The following RBPMS variants were observed in gnomAD, a reference collection of about 807,000 sequenced individuals.
RBPMS encodes RNA-binding protein with multiple splicing.
In RBPMS, 7 loss-of-function variants were observed where a neutral mutation model predicts 26.8. The ratio of observed to expected loss-of-function variants is 0.26; its 90% CI spans 0.15 to 0.49. The LOEUF is 0.49. Among genes scored for constraint, RBPMS ranks in the 20% least tolerant of loss-of-function variants. The pLI is 0.98. For missense variants in RBPMS, 186 were observed against 250.0 expected (o/e 0.74, Z 1.73); for synonymous variants, 96 against 93.3 (o/e 1.03, Z -0.17).
intron 5 of RBPMS, among the ~76,000 whole-genome samples, chr8:30,531,376 T>C (rs1417128044): frequency 6.6e-6 from 1 of 152,226 alleles, no homozygotes; most frequent in Non-Finnish European, 1.5e-5. Context: ...TGCCCAGATT[T>C]CCTTGATTTT....
chr8:30,390,477 T>C (rs117806436), intron 1 of RBPMS, among the ~76,000 whole-genome samples: 2,029 of 152,310 alleles, frequency 0.013, 24 homozygotes, highest in South Asian at 0.019. Context: ...TACTTGGTAC[T>C]CCACAAAGTC....
At chr8:30,426,205 C>A (rs1348465909) in intron 1 of RBPMS, among the ~76,000 whole-genome samples, 1 of 152,202 alleles carries the variant, frequency 6.6e-6, no homozygotes, top group Non-Finnish European at 1.5e-5. Context: ...AATTGCCCAT[C>A]TGTAAATAAG....
At chr8:30,569,570 T>G (rs1042066878) in intron 8 of RBPMS, among the ~76,000 whole-genome samples, 2 of 152,140 alleles carry the variant, frequency 1.3e-5, no homozygotes, top group African/African-American at 4.8e-5. Context: ...AAGGATGTGT[T>G]AGGGATTTGG....
intron 1 of RBPMS, among the ~76,000 whole-genome samples, chr8:30,463,309 A>ATCC (rs1816146448): frequency 6.6e-6 from 1 of 152,246 alleles, no homozygotes; most frequent in South Asian, 2.1e-4. Flanking sequence ...AGGTGGATCT[A>ATCC]GCTCAGGGTC....
At chr8:30,516,126 T>C (rs1309158253) in intron 5 of RBPMS, among the ~76,000 whole-genome samples, 1 of 152,244 alleles carries the variant, frequency 6.6e-6, no homozygotes. Flanking sequence ...ACGCCTGTAA[T>C]TGCAGCACTT....
At position 30,540,510 on chromosome 8, in the gene RBPMS, A is replaced by G. The variant is rs1405111150; in HGVS notation, c.398-3984A>G. 3.9e-5 allele frequency among the ~76,000 whole-genome samples: 6 copies of G among 152,152 alleles called. No homozygotes were observed. In the East Asian group the frequency reaches 7.7e-4, roughly 20 times the overall value. ...CAGTCAGAGCGCACTGCAACCTCAA[A>G]TAAGTCCTAGGTTCGAGTGAACCTC... On this transcript the variant is annotated intron_variant, in intron 5 of 8. Transcript: ENST00000397323.
chr8:30,556,014 G>T (rs1826872181), intron 6 of RBPMS: 1 of 985,434 alleles, frequency 1.0e-6, no homozygotes, highest in East Asian at 1.1e-4. Flanking sequence ...TGGCCAGGGG[G>T]GCACTGCCCT....
chr8:30,528,150 G>T (rs137988035), intron 5 of RBPMS, among the ~76,000 whole-genome samples: 1,714 of 152,082 alleles, frequency 0.011, 39 homozygotes, highest in African/African-American at 0.038. Context: ...GCTCCAGCCT[G>T]GGCAACAAGA....
chr8:30,520,661 T>A (rs1822933193), intron 5 of RBPMS, among the ~76,000 whole-genome samples: 1 of 152,200 alleles, frequency 6.6e-6, no homozygotes, highest in African/African-American at 2.4e-5. Flanking sequence ...TTTGGCTATT[T>A]ATCTGGTTAA....
intron 1 of RBPMS, among the ~76,000 whole-genome samples, chr8:30,421,488 C>T (rs1182233254): frequency 2.0e-5 from 3 of 152,118 alleles, no homozygotes; most frequent in Admixed American, 2.0e-4. Context: ...ATTAAAAATT[C>T]CTTAAGTACA....
intron 1 of RBPMS, among the ~76,000 whole-genome samples, chr8:30,432,079 T>C (rs1217839047): frequency 6.6e-6 from 1 of 152,058 alleles, no homozygotes; most frequent in Non-Finnish European, 1.5e-5. Context: ...TGAGCCATGA[T>C]CACGCCGCTG....
chr8:30,551,140 C>G (rs565326443), intron 6 of RBPMS, among the ~76,000 whole-genome samples: 2 of 152,204 alleles, frequency 1.3e-5, no homozygotes, highest in South Asian at 4.2e-4. Flanking sequence ...GGCAGATGCT[C>G]TCTCCCTGGT....
chr8:30,479,309 T>TC lies in RBPMS; in HGVS notation c.184-5dup. 8.1e-6 allele frequency: 13 copies of TC among 1,609,788 alleles called. No individual in the cohort carries two copies. Among genetic ancestry groups the TC allele is most frequent in the African/African-American group, 1.3e-5 (1 of 74,780 alleles). On this transcript the variant is annotated splice_polypyrimidine_tract_variant and splice_region_variant and intron_variant, in intron 3 of 8. Transcript: ENST00000397323. ...TTTTCTTCATATTTCTCTTTTTTTT[T>TC]CTCAGCCTGTAGGTTTTGTCAGTTT...
intron 5 of RBPMS, among the ~76,000 whole-genome samples, chr8:30,533,897 G>GCCT (rs1281453256): frequency 6.6e-6 from 1 of 152,108 alleles, no homozygotes; most frequent in Admixed American, 6.5e-5. Flanking sequence ...ACTTTAGGAG[G>GCCT]CCTAGGTGGG....
intron 5 of RBPMS, among the ~76,000 whole-genome samples, chr8:30,532,040 TAAAG>T (rs1824277554): frequency 2.0e-5 from 3 of 152,208 alleles, no homozygotes; most frequent in South Asian, 2.1e-4. Context: ...AGATTTCTTT[TAAAG>T]AAAGTCTTCT....
chr8:30,452,844 T>G (rs943546149), intron 1 of RBPMS, among the ~76,000 whole-genome samples: 1 of 152,214 alleles, frequency 6.6e-6, no homozygotes, highest in Non-Finnish European at 1.5e-5. Flanking sequence ...AACTATCCTT[T>G]TCACATTTAA....
At chr8:30,463,319 C>T (rs1816148806) in intron 1 of RBPMS, among the ~76,000 whole-genome samples, 2 of 152,184 alleles carry the variant, frequency 1.3e-5, no homozygotes, top group South Asian at 4.1e-4. Flanking sequence ...AGCTCAGGGT[C>T]ATAAGGTTGG....
chr8:30,419,450 A>ATATGTATGTG (rs1554509328), intron 1 of RBPMS, among the ~76,000 whole-genome samples: 1 of 143,176 alleles, frequency 7.0e-6, no homozygotes, highest in African/African-American at 2.6e-5. Flanking sequence ...CATCTCAAAA[A>ATATGTATGTG]TGTGTGTGTG....
intron 6 of RBPMS, chr8:30,547,202 T>C: frequency 1.1e-6 from 1 of 903,890 alleles, no homozygotes; most frequent in Non-Finnish European, 1.8e-6. Flanking sequence ...TTGGAAATCT[T>C]ATAATGTCTT....
Sources: allele counts gnomAD v4.1 joint callset (sites outside exome capture counted in the v4.1 genomes callset), GRCh38; gene constraint gnomAD v4.1.1; transcripts MANE v1.5; gene names NCBI Gene and HGNC (gene_info 2026-07-23, HGNC 2026-07-21).